The following PACSIN2 variants were observed in gnomAD, a reference collection of about 807,000 sequenced individuals.
The protein encoded by PACSIN2 is protein kinase C and casein kinase substrate in neurons protein 2.
In PACSIN2, 25 loss-of-function variants were observed where a neutral mutation model predicts 63.8. That is an observed-to-expected ratio of 0.39 (90% CI 0.29 to 0.55). The LOEUF (loss-of-function observed/expected upper bound fraction) is 0.55. Among genes scored for constraint, PACSIN2 ranks in the 20% least tolerant of loss-of-function variants. The pLI is 0.62. For synonymous variants in PACSIN2, 255 were observed against 256.2 expected, an observed-to-expected ratio of 1.00 and a Z score of 0.05; for missense variants, 518 against 646.9, an observed-to-expected ratio of 0.80 and a Z score of 2.16.
At chr22:42,875,175 G>C (rs1928514023) in intron 10 of PACSIN2, among the ~76,000 whole-genome samples, 1 of 151,310 alleles carries the variant, frequency 6.6e-6, no homozygotes, top group Non-Finnish European at 1.5e-5. Context: ...TTAAGAGATG[G>C]GGTCTTGCTC....
intron 1 of PACSIN2, among the ~76,000 whole-genome samples, chr22:43,010,965 G>T (rs1297074854): frequency 6.6e-6 from 1 of 152,224 alleles, no homozygotes; most frequent in African/African-American, 2.4e-5. Flanking sequence ...CTTTGGAACT[G>T]CAGAGATACC....
At chr22:42,920,630 C>T (rs777313454) in intron 1 of PACSIN2, among the ~76,000 whole-genome samples, 1 of 151,984 alleles carries the variant, frequency 6.6e-6, no homozygotes, top group African/African-American at 2.4e-5. Context: ...TGGTGGAGGA[C>T]GTGCTGGAAG....
chr22:42,879,495 G>A (rs569177712), intron 7 of PACSIN2, among the ~76,000 whole-genome samples: 71 of 152,292 alleles, frequency 4.7e-4, no homozygotes, highest in African/African-American at 5.8e-4. Flanking sequence ...GGCAAGGTCC[G>A]GGGCCTCCTG....
rs575857264 is a variant in PACSIN2, at chr22:42,903,642, T to G, written c.60+8379A>C. On this transcript the variant is annotated intron_variant, in intron 2 of 10. Coordinates refer to ENST00000263246, the MANE Select transcript of PACSIN2 (RefSeq NM_001184970.3). ...GGAGTTCCACACTTCGGTGCTGCCT[T>G]GAACCACAAGCTCAGACTAACACCT... Among the ~76,000 whole-genome samples the G allele has an allele frequency of 2.6e-5, 4 of 152,318 alleles. No homozygotes were observed. In the South Asian group the frequency reaches 8.3e-4, roughly 32 times the overall value.
At chr22:42,937,869 TCTC>T (rs1212097435) in intron 1 of PACSIN2, among the ~76,000 whole-genome samples, 3 of 152,148 alleles carry the variant, frequency 2.0e-5, no homozygotes, top group Non-Finnish European at 2.9e-5. Context: ...GGGGGACCCT[TCTC>T]CTGGCTCGAG....
rs2746983 is a variant in PACSIN2 at position 42,876,128 on chromosome 22, C to A, written c.1348+9G>T. ...CCTCCTCCCCTGGATGCTGGGGGAG[C>A]CCACCTACCAGCCTTGAAGCTCAGC... On this transcript the variant is annotated intron_variant, in intron 10 of 10. Transcript: ENST00000263246. The A allele has an allele frequency of 6.2e-7, 1 of 1,600,788 alleles. No homozygotes were observed. Among genetic ancestry groups the A allele is most frequent in the Non-Finnish European group, 8.6e-7 (1 of 1,168,974 alleles).
At chr22:42,935,157 C>A (rs1169485615) in intron 1 of PACSIN2, among the ~76,000 whole-genome samples, 1 of 151,802 alleles carries the variant, frequency 6.6e-6, no homozygotes, top group African/African-American at 2.4e-5. Context: ...GATCTCCTGA[C>A]CTCATGATCT....
intron 10 of PACSIN2, 81 bp downstream of exon 10, chr22:42,876,056 A>G: frequency 7.9e-7 from 1 of 1,264,560 alleles, no homozygotes; most frequent in South Asian, 1.4e-5. Flanking sequence ...GAACTTTTCC[A>G]GACTTAAAAA....
chr22:42,974,123 T>G (rs73886201), intron 1 of PACSIN2, among the ~76,000 whole-genome samples: 3,903 of 152,308 alleles, frequency 0.026, 165 homozygotes, highest in African/African-American at 0.09. Flanking sequence ...GCCTGGCAGC[T>G]CACTGTTGTC....
chr22:42,955,114 T>C (rs955326758), intron 1 of PACSIN2, among the ~76,000 whole-genome samples: 1 of 152,090 alleles, frequency 6.6e-6, no homozygotes, highest in African/African-American at 2.4e-5. Flanking sequence ...AAGGTCCCAA[T>C]AGCTCTTTAA....
rs550279117 is a variant in PACSIN2, at chr22:43,006,971, G to T, written c.-78+8050C>A. 2.0e-5 allele frequency among the ~76,000 whole-genome samples: 3 copies of T among 152,232 alleles called. No individual in the cohort carries two copies. In the South Asian group the frequency reaches 6.2e-4, roughly 32 times the overall value. On this transcript the variant is annotated intron_variant, in intron 1 of 10. Transcript: ENST00000263246. ...GGAGCCACTGCTTCCTAGGAACACA[G>T]ATGGCAATCCTTGAGACTCCCAGAG...
chr22:42,873,534 C>G (rs1710339514), intron 10 of PACSIN2, among the ~76,000 whole-genome samples: 1 of 152,218 alleles, frequency 6.6e-6, no homozygotes, highest in Non-Finnish European at 1.5e-5. Flanking sequence ...GGCACAGCCC[C>G]CAGGCCCTGG....
intron 1 of PACSIN2, among the ~76,000 whole-genome samples, chr22:42,923,801 C>G (rs55950603): frequency 1.3e-5 from 2 of 152,168 alleles, no homozygotes; most frequent in Non-Finnish European, 2.9e-5. Flanking sequence ...CTTTGAGAAG[C>G]TGAGGCGGGA....
At chr22:43,009,545 G>T (rs1319483160) in intron 1 of PACSIN2, among the ~76,000 whole-genome samples, 1 of 152,176 alleles carries the variant, frequency 6.6e-6, no homozygotes, top group Non-Finnish European at 1.5e-5. Flanking sequence ...AAAGGTGAAG[G>T]TCCTCTAAGT....
At chr22:43,003,273 G>A (rs147933223) in intron 1 of PACSIN2, among the ~76,000 whole-genome samples, 89 of 152,302 alleles carry the variant, frequency 5.8e-4, no homozygotes, top group Non-Finnish European at 1.2e-3. Flanking sequence ...AAGCAAAAAA[G>A]AAGTCATTTG....
At chr22:42,877,338 C>G (rs1285478870) in intron 8 of PACSIN2, among the ~76,000 whole-genome samples, 1 of 152,094 alleles carries the variant, frequency 6.6e-6, no homozygotes, top group African/African-American at 2.4e-5. Context: ...TTCAGGGCTT[C>G]TCCTCTGTCC....
intron 1 of PACSIN2, among the ~76,000 whole-genome samples, chr22:42,947,538 C>G (rs916737494): frequency 2.0e-5 from 3 of 152,136 alleles, no homozygotes; most frequent in Admixed American, 1.3e-4. Flanking sequence ...TCAAGAGGAG[C>G]TGAAGCCCTG....
intron 1 of PACSIN2, among the ~76,000 whole-genome samples, chr22:42,997,848 C>G (rs1430234115): frequency 1.3e-5 from 2 of 150,698 alleles, no homozygotes; most frequent in African/African-American, 4.9e-5. Flanking sequence ...ACCACTGCAC[C>G]CCAGCCTGGG....
At chr22:42,993,782 T>A (rs1041431784) in intron 1 of PACSIN2, 1 of 152,220 alleles carries the variant, frequency 6.6e-6, no homozygotes, top group African/African-American at 2.4e-5. Flanking sequence ...CAGTTCCTCC[T>A]GGAAGGGCGG....
Sources: gnomAD v4.1 joint callset for allele counts (sites outside exome capture counted in the v4.1 genomes callset) on GRCh38, gnomAD v4.1.1 for gene constraint, MANE v1.5 for transcripts, NCBI Gene and HGNC (gene_info 2026-07-23, HGNC 2026-07-21) for gene names.